GRIA2: variants seen among roughly 807,000 people sequenced by gnomAD.
GRIA2 encodes glutamate ionotropic receptor AMPA type subunit 2.
A neutral mutation model predicts 97.3 loss-of-function variants in GRIA2; 14 were observed. The ratio of observed to expected loss-of-function variants is 0.14; its 90% CI spans 0.10 to 0.23. GRIA2 has a LOEUF of 0.23. Ranked by LOEUF, GRIA2 falls within the 10% of genes least tolerant of loss-of-function variation. GRIA2 has a pLI of 1.00. For missense variants in GRIA2, 558 were observed against 1,069.8 expected (o/e 0.52, Z 6.67); for synonymous variants, 412 against 387.8 (o/e 1.06, Z -0.73).
At chr4:157,321,720 A>G in intron 6 of GRIA2, 121 bp downstream of exon 6, 1 of 628,094 alleles carries the variant, frequency 1.6e-6, no homozygotes, top group East Asian at 2.8e-5. Context: ...AAAATATGGC[A>G]AACATATTGA....
chr4:157,240,561 G>A (rs1344773439), intron 2 of GRIA2, among the ~76,000 whole-genome samples: 2 of 151,926 alleles, frequency 1.3e-5, no homozygotes, highest in Non-Finnish European at 2.9e-5. Context: ...TGAAATCAAT[G>A]TTCTCTAATC....
At chr4:157,359,581 A>G (rs1736546018) in intron 12 of GRIA2, among the ~76,000 whole-genome samples, 1 of 152,140 alleles carries the variant, frequency 6.6e-6, no homozygotes, top group Non-Finnish European at 1.5e-5. Flanking sequence ...CCTAATTTGA[A>G]TTATTCCTAT....
chr4:157,277,838 ATATATATG>A (rs1217946188), intron 2 of GRIA2, among the ~76,000 whole-genome samples: 4 of 142,414 alleles, frequency 2.8e-5, no homozygotes, highest in Non-Finnish European at 4.6e-5. Flanking sequence ...ATATATGTAT[ATATATATG>A]TATATATGTA....
At chr4:157,311,277 A>G (rs911712332) in intron 3 of GRIA2, among the ~76,000 whole-genome samples, 6 of 152,050 alleles carry the variant, frequency 3.9e-5, no homozygotes, top group African/African-American at 1.2e-4. Flanking sequence ...ACATAATTTC[A>G]TAGATTTAAA....
intron 2 of GRIA2, among the ~76,000 whole-genome samples, chr4:157,246,042 A>G (rs1730717725): frequency 6.6e-6 from 1 of 152,160 alleles, no homozygotes; most frequent in Admixed American, 6.6e-5. Flanking sequence ...TGCAAGAGTA[A>G]TAATTTCTAG....
intron 2 of GRIA2, among the ~76,000 whole-genome samples, chr4:157,255,336 T>C (rs1171810924): frequency 1.3e-5 from 2 of 152,074 alleles, no homozygotes; most frequent in Non-Finnish European, 2.9e-5. Flanking sequence ...TTTCATATCT[T>C]TGCTTTTGTG....
chr4:157,253,423 T>A (rs1731103019), intron 2 of GRIA2, among the ~76,000 whole-genome samples: 1 of 152,098 alleles, frequency 6.6e-6, no homozygotes, highest in South Asian at 2.1e-4. Flanking sequence ...GGCCCCTTTT[T>A]GTTTTAATGT....
At chr4:157,316,644 A>T (rs1734335904) in intron 4 of GRIA2, among the ~76,000 whole-genome samples, 1 of 152,130 alleles carries the variant, frequency 6.6e-6, no homozygotes, top group Non-Finnish European at 1.5e-5. Context: ...AAAACCTAAA[A>T]GGGCCAATGT....
At chr4:157,257,573 T>C (rs1270964045) in intron 2 of GRIA2, among the ~76,000 whole-genome samples, 1 of 152,042 alleles carries the variant, frequency 6.6e-6, no homozygotes, top group African/African-American at 2.4e-5. Context: ...TTCAAAAGTA[T>C]CATTCATCAC....
intron 12 of GRIA2, among the ~76,000 whole-genome samples, chr4:157,345,303 G>T (rs1735719652): frequency 1.3e-5 from 2 of 151,956 alleles, no homozygotes; most frequent in South Asian, 4.1e-4. Context: ...ACCACCAAGA[G>T]ATGTGAGGAA....
At chr4:157,315,249 C>G (rs1734258285) in intron 4 of GRIA2, among the ~76,000 whole-genome samples, 1 of 151,720 alleles carries the variant, frequency 6.6e-6, no homozygotes, top group African/African-American at 2.4e-5. Flanking sequence ...TATAATTATA[C>G]TAATGGGATA....
intron 2 of GRIA2, among the ~76,000 whole-genome samples, chr4:157,271,379 T>C (rs1244206182): frequency 6.6e-6 from 1 of 152,092 alleles, no homozygotes; most frequent in Non-Finnish European, 1.5e-5. Flanking sequence ...TTGTTTTAGC[T>C]GTGCTTTGGA....
chr4:157,352,745 CA>C lies in GRIA2; in HGVS notation c.2044-7149del, dbSNP rs1419839443. On this transcript the variant is annotated intron_variant, in intron 12 of 15. Transcript: ENST00000264426. Reference sequence around the variant, plus strand: ...AAAAAAAAAAAAAAAAAAACACACACAACAACAACAACAAAAACACTTATAG... The same window carrying C: ...AAAAAAAAAAAAAAAAAAACACACACACAACAACAACAAAAACACTTATAG... Among the ~76,000 whole-genome samples, 11 of 137,764 alleles carry C rather than the reference CA, an allele frequency of 8.0e-5. No homozygotes were observed. The East Asian group carries it at 1.7e-3, about 22-fold the overall frequency. 90.4% of individuals were successfully genotyped at this position (137,764 alleles called of 152,430 possible).
intron 2 of GRIA2, among the ~76,000 whole-genome samples, chr4:157,282,178 C>A (rs2126815980): frequency 6.6e-6 from 1 of 152,198 alleles, no homozygotes; most frequent in South Asian, 2.1e-4. Flanking sequence ...GATTTTTTAT[C>A]CTCTGTCCAT....
At chr4:157,297,119 G>C (rs1733381842) in intron 2 of GRIA2, among the ~76,000 whole-genome samples, 1 of 152,114 alleles carries the variant, frequency 6.6e-6, no homozygotes, top group Non-Finnish European at 1.5e-5. Flanking sequence ...GGCTTTTTGA[G>C]AGGTTATTTC....
intron 12 of GRIA2, among the ~76,000 whole-genome samples, chr4:157,355,130 C>A (rs1230191420): frequency 1.3e-5 from 2 of 152,118 alleles, no homozygotes; most frequent in Non-Finnish European, 2.9e-5. Context: ...AAACAGGGAA[C>A]CAACCAGCCT....
intron 3 of GRIA2, among the ~76,000 whole-genome samples, chr4:157,308,045 G>GT (rs1465428269): frequency 7.2e-5 from 11 of 152,228 alleles, no homozygotes; most frequent in Non-Finnish European, 1.6e-4. Flanking sequence ...TTTTTAAGCA[G>GT]TAAGACATGG....
intron 2 of GRIA2, among the ~76,000 whole-genome samples, chr4:157,240,127 A>C (rs1730438723): frequency 6.6e-6 from 1 of 152,174 alleles, no homozygotes; most frequent in Non-Finnish European, 1.5e-5. Context: ...ACAAGTTTTA[A>C]AATAATAAAT....
At chr4:157,308,729 A>T (rs1733947437) in intron 3 of GRIA2, among the ~76,000 whole-genome samples, 1 of 152,186 alleles carries the variant, frequency 6.6e-6, no homozygotes, top group African/African-American at 2.4e-5. Context: ...GGATGAATAT[A>T]TTTATAGATA....
Sources: allele counts gnomAD v4.1 joint callset (sites outside exome capture counted in the v4.1 genomes callset), GRCh38; gene constraint gnomAD v4.1.1; transcripts MANE v1.5; gene names NCBI Gene and HGNC (gene_info 2026-07-23, HGNC 2026-07-21).